The following STRN variants were observed in gnomAD, a reference collection of about 807,000 sequenced individuals.
The protein encoded by STRN is striatin, also known as protein phosphatase 2 regulatory subunit B'''alpha.
Under a neutral mutation model 96.3 loss-of-function variants are expected in STRN, and 53 were observed. The observed-to-expected ratio is 0.55, with a 90% CI of 0.44 to 0.69. The LOEUF (loss-of-function observed/expected upper bound fraction) is 0.69, where lower values mean the gene tolerates loss of function less well. Among genes scored for constraint, STRN ranks in the 30% least tolerant of loss-of-function variants. STRN has a pLI of 0.00. For synonymous variants in STRN, 428 were observed against 355.9 expected (o/e 1.20, Z -2.28); for missense variants, 987 against 963.9 (o/e 1.02, Z -0.32).
chr2:36,955,010 C>T (rs189119927), intron 1 of STRN, among the ~76,000 whole-genome samples: 2 of 152,220 alleles, frequency 1.3e-5, no homozygotes, highest in East Asian at 1.9e-4. Flanking sequence ...CTTACTATAC[C>T]GTTTCACTAA....
At chr2:36,878,470 A>G (rs1668973554) in intron 9 of STRN, among the ~76,000 whole-genome samples, 1 of 152,216 alleles carries the variant, frequency 6.6e-6, no homozygotes, top group African/African-American at 2.4e-5. Context: ...AAATGGGTCA[A>G]ATTCTTAAAT....
At chr2:36,849,937 AAAC>A (rs1414591948) in intron 16 of STRN, 137 bp from the exon 17 acceptor site, 14 of 785,484 alleles carry the variant, frequency 1.8e-5, no homozygotes, top group African/African-American at 1.7e-4. Context: ...CCATCACCTA[AAAC>A]AACATGTCTC....
intron 10 of STRN, among the ~76,000 whole-genome samples, chr2:36,871,858 G>C (rs1384591174): frequency 1.3e-5 from 2 of 152,054 alleles, no homozygotes; most frequent in African/African-American, 2.4e-5. Context: ...GAATTTAGAA[G>C]TTACCCTCAA....
At chr2:36,865,396 C>G (rs1219956712) in intron 12 of STRN, among the ~76,000 whole-genome samples, 1 of 151,938 alleles carries the variant, frequency 6.6e-6, no homozygotes, top group Non-Finnish European at 1.5e-5. Context: ...AGTGGTCTAC[C>G]TATCTTATTC....
chr2:36,849,632 CCAA>C lies in STRN; in HGVS notation c.2174-10_2174-8del. ...CGTATTGAACAGTCATGACCTATAT[CCAA>C]AAAAAAAATTAAAAGGAAAAATTAC... On this transcript the variant is annotated splice_region_variant and splice_polypyrimidine_tract_variant and intron_variant, in intron 17 of 17. Transcript: ENST00000263918. The C allele has an allele frequency of 6.2e-7, 1 of 1,610,942 alleles. No individual in the cohort carries two copies. The highest frequency in any genetic ancestry group is 1.1e-5 in the South Asian group (1 of 90,572).
intron 1 of STRN, among the ~76,000 whole-genome samples, chr2:36,938,935 A>T (rs2148250565): frequency 6.6e-6 from 1 of 152,276 alleles, no homozygotes; most frequent in East Asian, 1.9e-4. Flanking sequence ...AAAGAAAACC[A>T]ATAGCACAAA....
At chr2:36,883,793 G>T in intron 9 of STRN, 139 bp downstream of exon 9, 1 of 817,960 alleles carries the variant, frequency 1.2e-6, no homozygotes, top group Non-Finnish European at 1.7e-6. Context: ...ATGTAAGAAA[G>T]CTTGCATTTG....
intron 7 of STRN, among the ~76,000 whole-genome samples, chr2:36,891,730 A>C (rs889800261): frequency 8.5e-5 from 13 of 152,246 alleles, no homozygotes; most frequent in Admixed American, 4.6e-4. Context: ...AAAATGTTTC[A>C]GATGGAAAAA....
At chr2:36,950,715 A>G (rs2148267723) in intron 1 of STRN, among the ~76,000 whole-genome samples, 1 of 152,324 alleles carries the variant, frequency 6.6e-6, no homozygotes, top group East Asian at 1.9e-4. Context: ...TTGATGAAAA[A>G]GCGTAGAATT....
At chr2:36,951,989 A>T (rs540523928) in intron 1 of STRN, among the ~76,000 whole-genome samples, 1 of 152,258 alleles carries the variant, frequency 6.6e-6, no homozygotes, top group East Asian at 1.9e-4. Flanking sequence ...GTTGTGCGGC[A>T]CTCCCAAGAA....
chr2:36,929,472 C>T (rs1033530282), intron 1 of STRN, among the ~76,000 whole-genome samples: 5 of 152,134 alleles, frequency 3.3e-5, no homozygotes, highest in Non-Finnish European at 5.9e-5. Flanking sequence ...CAACTTCAGC[C>T]TCCCAGGGTC....
In STRN at chr2:36,869,639, G is replaced by A; in HGVS notation, c.1414C>T (p.His472Tyr). 1.2e-6 allele frequency: 2 copies of A among 1,612,774 alleles called. No homozygotes were observed. The highest frequency in any genetic ancestry group is 1.3e-5 in the African/African-American group (1 of 74,994). ...GTTATCAAAACAGGCTCAATGGGAT[G>A]GAAAGCAAGGGCTCGGATGCCATCA... ...HFDGIRALAF[H>Y]PIEPVLITAS... The change falls in exon 11 of 18, where the codon CAT (histidine) becomes TAT (tyrosine). Residue 472 changes from histidine (H) to tyrosine (Y), a missense_variant. Coordinates refer to ENST00000263918, the MANE Select transcript of STRN (RefSeq NM_003162.4).
chr2:36,890,702 T>C (rs903321464), intron 7 of STRN, among the ~76,000 whole-genome samples: 1 of 152,080 alleles, frequency 6.6e-6, no homozygotes, highest in Non-Finnish European at 1.5e-5. Context: ...CAGGCTAGTC[T>C]CAAACTCCTG....
chr2:36,839,838 T>C lies in STRN; in HGVS notation c.*9618A>G, dbSNP rs1047537169. 1 of 152,220 alleles carries C rather than the reference T, an allele frequency of 6.6e-6. No homozygotes were observed. Among genetic ancestry groups the C allele is most frequent in the African/African-American group, 2.4e-5 (1 of 41,454 alleles). 9.4% of individuals were successfully genotyped at this position (152,220 alleles called of 1,614,324 possible). A position where few individuals can be genotyped will look rare whatever the true frequency, so the allele number is the denominator to read the frequency against. On this transcript the variant is annotated 3_prime_UTR_variant, in exon 18 of 18. Coordinates refer to ENST00000263918, the MANE Select transcript of STRN (RefSeq NM_003162.4). The stretch of plus-strand genomic sequence containing the variant: ...TTTTAATGATTTAAAGTCATTTGAA[T>C]ATTAAATATAAATAGTTGGTCTCTA...
At chr2:36,889,175 C>T (rs1240646840) in intron 7 of STRN, among the ~76,000 whole-genome samples, 1 of 152,134 alleles carries the variant, frequency 6.6e-6, no homozygotes, top group Admixed American at 6.6e-5. Flanking sequence ...AAATAGAAAG[C>T]ACTTGATCAA....
chr2:36,871,438 G>A (rs2148152568), intron 10 of STRN, among the ~76,000 whole-genome samples: 1 of 152,286 alleles, frequency 6.6e-6, no homozygotes, highest in African/African-American at 2.4e-5. Flanking sequence ...ATAGTAACAT[G>A]CTGTATAGAT....
chr2:36,913,983 T>C (rs1276220410), intron 3 of STRN, among the ~76,000 whole-genome samples: 1 of 152,084 alleles, frequency 6.6e-6, no homozygotes, highest in Non-Finnish European at 1.5e-5. Context: ...ACTTATAAAC[T>C]TGATGATTTT....
In STRN at chr2:36,848,636, A is replaced by C. The variant is rs1035030435; in HGVS notation, c.*820T>G. The C allele has an allele frequency of 5.3e-5, 8 of 152,230 alleles. No individual in the cohort carries two copies. Among genetic ancestry groups the C allele is most frequent in the Non-Finnish European group, 8.8e-5 (6 of 68,048 alleles). 9.4% of individuals were successfully genotyped at this position (152,230 alleles called of 1,614,324 possible). The stretch of plus-strand genomic sequence containing the variant: ...AATTTTAAAATAGAAATTATTAAAG[A>C]GATATGCCCTGTTTACCCTTAAAAA... On this transcript the variant is annotated 3_prime_UTR_variant, in exon 18 of 18. Coordinates refer to ENST00000263918, the MANE Select transcript of STRN (RefSeq NM_003162.4).
intron 3 of STRN, among the ~76,000 whole-genome samples, chr2:36,912,734 C>T (rs905057744): frequency 3.9e-5 from 6 of 152,184 alleles, no homozygotes; most frequent in Non-Finnish European, 4.4e-5. Flanking sequence ...CACATCCATA[C>T]TTCTGGCTTA....
Sources: allele counts gnomAD v4.1 joint callset (sites outside exome capture counted in the v4.1 genomes callset), GRCh38; gene constraint gnomAD v4.1.1; transcripts MANE v1.5; gene names NCBI Gene and HGNC (gene_info 2026-07-23, HGNC 2026-07-21).